Variants in TAFA1 observed in about 807,000 individuals in gnomAD.
TAFA1 encodes chemokine-like protein TAFA-1.
TAFA1 carries 4 observed loss-of-function variants against 18.5 expected under a neutral mutation model. That is an observed-to-expected ratio of 0.22 (90% CI 0.11 to 0.49). The LOEUF (loss-of-function observed/expected upper bound fraction) is 0.49. TAFA1 is among the 20% of genes least tolerant of loss of function. The probability of loss-of-function intolerance (pLI) is 0.98; values close to 1 mark genes in which losing one functional copy is unlikely to be tolerated. For synonymous variants in TAFA1, 56 were observed against 55.2 expected, an observed-to-expected ratio of 1.01 and a Z score of -0.06; for missense variants, 147 against 169.0, an observed-to-expected ratio of 0.87 and a Z score of 0.72.
At chr3:68,517,215 G>A (rs2072936276) in intron 3 of TAFA1, among the ~76,000 whole-genome samples, 1 of 152,088 alleles carries the variant, frequency 6.6e-6, no homozygotes, top group African/African-American at 2.4e-5. Context: ...TTCACCTTAG[G>A]AAGACAATAG....
chr3:68,060,134 A>G (rs901653886), intron 2 of TAFA1, among the ~76,000 whole-genome samples: 9 of 151,752 alleles, frequency 5.9e-5, no homozygotes, highest in African/African-American at 1.7e-4. Context: ...ATGCCTCCAT[A>G]TTTTTCTCTG....
chr3:68,372,493 A>G (rs945912047), intron 2 of TAFA1, among the ~76,000 whole-genome samples: 13 of 152,310 alleles, frequency 8.5e-5, no homozygotes, highest in African/African-American at 2.9e-4. Context: ...GGTGGGTTTG[A>G]AGATGGACTA....
intron 3 of TAFA1, among the ~76,000 whole-genome samples, chr3:68,529,153 C>G (rs2073150576): frequency 6.6e-6 from 1 of 151,920 alleles, no homozygotes; most frequent in African/African-American, 2.4e-5. Flanking sequence ...AGTAGGCAAG[C>G]AGATGAGTCC....
At chr3:68,143,135 A>G (rs2065691603) in intron 2 of TAFA1, among the ~76,000 whole-genome samples, 3 of 152,200 alleles carry the variant, frequency 2.0e-5, no homozygotes, top group African/African-American at 7.2e-5. Flanking sequence ...CTATTTTTAC[A>G]TAACTAGATG....
chr3:68,137,253 T>C (rs2065620118), intron 2 of TAFA1, among the ~76,000 whole-genome samples: 1 of 152,152 alleles, frequency 6.6e-6, no homozygotes, highest in African/African-American at 2.4e-5. Flanking sequence ...CTTTTTTTTT[T>C]TCTTTTAGTT....
intron 3 of TAFA1, among the ~76,000 whole-genome samples, chr3:68,435,740 G>C (rs370303510): frequency 7.9e-5 from 12 of 152,316 alleles, no homozygotes; most frequent in East Asian, 7.7e-4. Context: ...GTGAATGCAT[G>C]CTTTTGGTTT....
chr3:67,993,002 G>T, the TAFA1 span, among the ~76,000 whole-genome samples: 3 of 152,206 alleles, frequency 2.0e-5, no homozygotes, highest in Non-Finnish European at 4.4e-5. Flanking sequence ...TCAGAGAATG[G>T]TCTGTGATTG....
At chr3:68,028,155 C>G (rs902315785) in intron 2 of TAFA1, among the ~76,000 whole-genome samples, 1 of 151,978 alleles carries the variant, frequency 6.6e-6, no homozygotes, top group African/African-American at 2.4e-5. Flanking sequence ...CAAAAATTAG[C>G]CAGGTGTGGT....
intron 3 of TAFA1, among the ~76,000 whole-genome samples, chr3:68,503,304 C>G (rs1054541063): frequency 1.3e-5 from 2 of 152,126 alleles, no homozygotes; most frequent in African/African-American, 2.4e-5. Context: ...TGTACAAGTA[C>G]TGCAAAACCC....
At chr3:68,127,173 C>A (rs1391073421) in intron 2 of TAFA1, among the ~76,000 whole-genome samples, 1 of 152,136 alleles carries the variant, frequency 6.6e-6, no homozygotes, top group Non-Finnish European at 1.5e-5. Flanking sequence ...AGTTCCTGAG[C>A]AAGTCTGCCT....
intron 3 of TAFA1, among the ~76,000 whole-genome samples, chr3:68,429,460 T>C (rs939792756): frequency 2.6e-5 from 4 of 151,862 alleles, no homozygotes; most frequent in Non-Finnish European, 5.9e-5. Flanking sequence ...TGGGACCCCA[T>C]GTGGGAACTG....
chr3:68,154,412 A>G (rs1201991564), intron 2 of TAFA1, among the ~76,000 whole-genome samples: 1 of 152,162 alleles, frequency 6.6e-6, no homozygotes, highest in Non-Finnish European at 1.5e-5. Flanking sequence ...GGGTTTGGTG[A>G]GCATTCAGCC....
chr3:68,319,831 T>G (rs939538423), intron 2 of TAFA1, among the ~76,000 whole-genome samples: 1 of 152,224 alleles, frequency 6.6e-6, no homozygotes, highest in Non-Finnish European at 1.5e-5. Context: ...TGGGGAAAAC[T>G]AAGCCATGGT....
intron 3 of TAFA1, among the ~76,000 whole-genome samples, chr3:68,522,371 A>T (rs2073041489): frequency 6.6e-6 from 1 of 152,174 alleles, no homozygotes; most frequent in South Asian, 2.1e-4. Context: ...GTGGAAGGAG[A>T]GCAGTTCCAG....
intron 2 of TAFA1, among the ~76,000 whole-genome samples, chr3:68,201,500 T>C (rs576438159): frequency 5.9e-5 from 9 of 151,868 alleles, no homozygotes; most frequent in Admixed American, 2.6e-4. Flanking sequence ...ACCATAATAA[T>C]GGATTCATCT....
intron 2 of TAFA1, among the ~76,000 whole-genome samples, chr3:68,385,540 C>T (rs182939825): frequency 1.3e-5 from 2 of 152,174 alleles, no homozygotes; most frequent in African/African-American, 2.4e-5. Flanking sequence ...ATACACTATT[C>T]GTTTCTGCCT....
intron 3 of TAFA1, among the ~76,000 whole-genome samples, chr3:68,478,123 T>A (rs2072140126): frequency 6.6e-6 from 1 of 152,226 alleles, no homozygotes; most frequent in African/African-American, 2.4e-5. Context: ...ACGTATTCCT[T>A]GTGATTCCTG....
intron 2 of TAFA1, among the ~76,000 whole-genome samples, chr3:68,023,645 T>A (rs1219335525): frequency 1.3e-5 from 2 of 152,168 alleles, no homozygotes; most frequent in African/African-American, 4.8e-5. Context: ...CTTAGCTTAT[T>A]TCAGTATTTG....
At chr3:68,459,964 A>C (rs1218956634) in intron 3 of TAFA1, among the ~76,000 whole-genome samples, 1 of 152,224 alleles carries the variant, frequency 6.6e-6, no homozygotes, top group Non-Finnish European at 1.5e-5. Context: ...TAGGTAGATC[A>C]TGAGGGAAAC....
Sources: gnomAD v4.1 joint callset for allele counts (sites outside exome capture counted in the v4.1 genomes callset) on GRCh38, gnomAD v4.1.1 for gene constraint, MANE v1.5 for transcripts, NCBI Gene and HGNC (gene_info 2026-07-23, HGNC 2026-07-21) for gene names.